PDE4C: variants seen among roughly 807,000 people sequenced by gnomAD.
The protein encoded by PDE4C is 3',5'-cyclic-AMP phosphodiesterase 4C.
A neutral mutation model predicts 63.9 loss-of-function variants in PDE4C; 50 were observed. That is an observed-to-expected ratio of 0.78 (90% CI 0.62 to 0.99). PDE4C has a LOEUF of 0.99. Ranked by LOEUF, PDE4C falls within the 50% of genes least tolerant of loss-of-function variation. The probability of loss-of-function intolerance (pLI) is 0.00; values close to 1 mark genes in which losing one functional copy is unlikely to be tolerated. For missense variants in PDE4C, 777 were observed against 899.1 expected (o/e 0.86, Z 1.74); for synonymous variants, 377 against 385.1 (o/e 0.98, Z 0.25).
At position 18,220,336 on chromosome 19, in the gene PDE4C, G is replaced by A; in HGVS notation, c.613-17C>T. 1 of 1,613,816 alleles carries A rather than the reference G, an allele frequency of 6.2e-7. No individual in the cohort carries two copies. Among genetic ancestry groups the A allele is most frequent in the Non-Finnish European group, 8.5e-7 (1 of 1,179,702 alleles). ...CCGCTTGAACTGGGGCGGAGAGAAG[G>A]TGAAGACCGTGATGATGGGGCACCG... is the stretch of plus-strand genomic sequence containing the variant. On this transcript the variant is annotated splice_polypyrimidine_tract_variant and intron_variant, in intron 6 of 14. Transcript: ENST00000262805. This position sits in a 1 kb window ranked among gnomAD's most constrained non-coding sequence, Gnocchi z 5.1.
At chr19:18,229,267 G>T (rs1369017452), upstream of PDE4C, among the ~76,000 whole-genome samples, 1 of 148,852 alleles carries the variant, frequency 6.7e-6, no homozygotes, top group Non-Finnish European at 1.5e-5. Context: ...TTGAGACACA[G>T]TTTCACTCTG....
At chr19:18,252,822 G>A (rs1466504353), upstream of PDE4C, among the ~76,000 whole-genome samples, 1 of 152,170 alleles carries the variant, frequency 6.6e-6, no homozygotes, top group Non-Finnish European at 1.5e-5. Flanking sequence ...GGCCAGATTT[G>A]TCTCGAACTT....
Position 18,220,474 on chromosome 19 carries a change from G to C in PDE4C, c.541C>G (p.Leu181Val), listed in dbSNP as rs1568668664. The C allele has an allele frequency of 6.2e-7, 1 of 1,614,054 alleles. No homozygotes were observed. Among genetic ancestry groups the C allele is most frequent in the African/African-American group, 1.3e-5 (1 of 74,930 alleles). Residue 181 changes from leucine (L) to valine (V), a missense_variant, in exon 6 of 15, where the codon CTG becomes GTG. Leu to Val is a conservative substitution (Grantham distance 32). Transcript: ENST00000262805. The surrounding 1 kb of genome is among the most constrained non-coding windows in gnomAD (Gnocchi z 5.1). The stretch of plus-strand genomic sequence containing the variant: ...TCCAACTGATCCAGGCACCAGTCCA[G>C]CTCGTCTAGCGTCTCCAATGCCAGC...
intron 1 of PDE4C, among the ~76,000 whole-genome samples, chr19:18,240,327 C>T (rs1969015415): frequency 6.7e-6 from 1 of 148,242 alleles, no homozygotes; most frequent in South Asian, 2.1e-4. Context: ...CCCAAGGAGG[C>T]TGAGGCAGGA....
At chr19:18,255,298 G>A in the PDE4C span, 4 of 399,284 alleles carry the variant, frequency 1.0e-5, no homozygotes, top group Non-Finnish European at 1.8e-5. The surrounding 1 kb of genome is among the most constrained non-coding windows in gnomAD (Gnocchi z 4.6). Context: ...GGCAGCTGGG[G>A]GCACGCCATT....
chr19:18,230,277 A>G (rs756631504), upstream of PDE4C, among the ~76,000 whole-genome samples: 89 of 152,300 alleles, frequency 5.8e-4, no homozygotes, highest in Non-Finnish European at 1.0e-3. Flanking sequence ...AGGCCACGGT[A>G]TGTGGATCAC....
chr19:18,219,275 G>A (rs769889373), exon 8 of PDE4C: 11 of 1,614,084 alleles, frequency 6.8e-6, no homozygotes, highest in Admixed American at 6.7e-5. Context: ...ACCCCAAAGC[G>A]TGGGACAGTG....
upstream of PDE4C, among the ~76,000 whole-genome samples, chr19:18,249,577 A>ATTT (rs71164388): frequency 0.024 from 3,339 of 139,802 alleles, 146 homozygotes; most frequent in African/African-American, 0.084. Context: ...GCCTGGCCCT[A>ATTT]TTTTTTTTTT....
rs1260015701 is a variant in PDE4C, at chr19:18,220,394, C to T, written c.612+9G>A. The T allele has an allele frequency of 6.2e-7, 1 of 1,612,910 alleles. No homozygotes were observed. Among genetic ancestry groups the T allele is most frequent in the South Asian group, 1.1e-5 (1 of 91,062 alleles). The stretch of plus-strand genomic sequence containing the variant: ...AGGCAGGTGAGCTCAGCGATCTGCC[C>T]CACCTCACCTTGTTGGAGGCCATCT... On this transcript the variant is annotated intron_variant, in intron 6 of 14. Transcript: ENST00000262805. The surrounding 1 kb of genome is among the most constrained non-coding windows in gnomAD (Gnocchi z 5.1).
At position 18,220,734 on chromosome 19, in the gene PDE4C, A is replaced by C. The variant is rs1384081990; in HGVS notation, c.499+140T>G. The C allele has an allele frequency of 1.1e-6, 1 of 898,396 alleles. No individual in the cohort carries two copies. Among genetic ancestry groups the C allele is most frequent in the Non-Finnish European group, 1.8e-6 (1 of 560,398 alleles). 55.7% of individuals were successfully genotyped at this position (898,396 alleles called of 1,614,324 possible). The stretch of plus-strand genomic sequence containing the variant: ...CTGTAATATGAGTGTGGTGGGGTCC[A>C]TCCCCGAGGGCGTTATTGTTTTTGC... On this transcript the variant is annotated intron_variant, in intron 5 of 14. Transcript: ENST00000262805. The surrounding 1 kb of genome is among the most constrained non-coding windows in gnomAD (Gnocchi z 5.1).
At chr19:18,226,334 T>A in exon 1 of PDE4C, 1 of 1,554,460 alleles carries the variant, frequency 6.4e-7, no homozygotes, top group Non-Finnish European at 8.7e-7. Context: ...AAAAGCTTCC[T>A]GAAGAGCCCG....
chr19:18,214,063 C>G (rs1001112213), intron 12 of PDE4C, among the ~76,000 whole-genome samples: 1 of 152,038 alleles, frequency 6.6e-6, no homozygotes, highest in African/African-American at 2.4e-5. Flanking sequence ...TCGAGACCAT[C>G]CTGGCTAACA....
chr19:18,210,755 C>A, exon 15 of PDE4C: 1 of 1,141,452 alleles, frequency 8.8e-7, no homozygotes, highest in African/African-American at 1.6e-5. Context: ...GGACCCCAGC[C>A]AGGTGCCTCC....
chr19:18,251,772 G>C (rs1012292125), upstream of PDE4C, among the ~76,000 whole-genome samples: 1 of 139,804 alleles, frequency 7.2e-6, no homozygotes, highest in Non-Finnish European at 1.6e-5. Flanking sequence ...TTTTTTTGTA[G>C]AGACAAAGTC....
upstream of PDE4C, among the ~76,000 whole-genome samples, chr19:18,231,451 C>T (rs930917191): frequency 4.6e-5 from 7 of 152,142 alleles, no homozygotes; most frequent in Non-Finnish European, 7.4e-5. Context: ...GAAGCCGGGG[C>T]GGGAGAAGGG....
At chr19:18,208,756 G>A (rs913461937), downstream of PDE4C, 1 of 152,106 alleles carries the variant, frequency 6.6e-6, no homozygotes, top group African/African-American at 2.4e-5. Flanking sequence ...CACCTCGTCG[G>A]AGTTTATCCA....
intron 1 of PDE4C, among the ~76,000 whole-genome samples, chr19:18,241,233 T>C (rs2148066564): frequency 6.6e-6 from 1 of 150,870 alleles, no homozygotes; most frequent in Non-Finnish European, 1.5e-5. Flanking sequence ...TTTTCTTTTC[T>C]TTCTTTCTTT....
chr19:18,223,732 A>G (rs1968597542), intron 1 of PDE4C, among the ~76,000 whole-genome samples: 1 of 152,188 alleles, frequency 6.6e-6, no homozygotes, highest in South Asian at 2.1e-4. Context: ...CTGCGACTGG[A>G]TGACCATATT....
intron 1 of PDE4C, among the ~76,000 whole-genome samples, chr19:18,247,387 C>G (rs879236098): frequency 2.0e-5 from 3 of 152,154 alleles, no homozygotes; most frequent in Admixed American, 6.5e-5. Context: ...CCTCCGCCTC[C>G]CAGGTTCAAG....
Sources: gnomAD v4.1 joint callset for allele counts (sites outside exome capture counted in the v4.1 genomes callset) on GRCh38, gnomAD v4.1.1 for gene constraint, Gnocchi (gnomAD v3.1) non-coding constraint, MANE v1.5 for transcripts, NCBI Gene and HGNC (gene_info 2026-07-23, HGNC 2026-07-21) for gene names.